The following SOX5 variants were observed in gnomAD, a reference collection of about 807,000 sequenced individuals.
SOX5 encodes transcription factor SOX-5.
Under a neutral mutation model 92.0 loss-of-function variants are expected in SOX5, and 9 were observed. That is an observed-to-expected ratio of 0.10 (90% confidence interval 0.06 to 0.17). SOX5 has a LOEUF of 0.17. Among genes scored for constraint, SOX5 ranks in the 10% least tolerant of loss-of-function variants. SOX5 has a pLI of 1.00. For missense variants in SOX5, 642 were observed against 944.5 expected, an observed-to-expected ratio of 0.68 and a Z score of 4.20; for synonymous variants, 344 against 336.3, an observed-to-expected ratio of 1.02 and a Z score of -0.25.
intron 1 of SOX5, among the ~76,000 whole-genome samples, chr12:24,419,489 G>A (rs1344041566): frequency 1.3e-5 from 2 of 152,112 alleles, no homozygotes; most frequent in African/African-American, 4.8e-5. Context: ...GAGTTCCTGA[G>A]AGATGAAGTC....
chr12:24,331,778 G>A (rs1344420099), intron 2 of SOX5, among the ~76,000 whole-genome samples: 1 of 145,994 alleles, frequency 6.8e-6, no homozygotes, highest in Non-Finnish European at 1.5e-5. Context: ...AGCCCAGGGG[G>A]CAGAGGTTGC....
chr12:24,377,749 A>G (rs1420604226), intron 1 of SOX5, among the ~76,000 whole-genome samples: 1 of 152,190 alleles, frequency 6.6e-6, no homozygotes, highest in Non-Finnish European at 1.5e-5. Flanking sequence ...CCACATCTGT[A>G]AAGTCTGAGA....
chr12:23,664,752 A>T (rs2139408180), intron 7 of SOX5, among the ~76,000 whole-genome samples: 1 of 152,348 alleles, frequency 6.6e-6, no homozygotes, highest in East Asian at 1.9e-4. Context: ...TTATGTATTC[A>T]TTCATTAATT....
chr12:23,887,917 ATGTGTGTGTG>A (rs61356582), intron 2 of SOX5, among the ~76,000 whole-genome samples: 11 of 144,770 alleles, frequency 7.6e-5, no homozygotes, highest in East Asian at 2.0e-4. Flanking sequence ...CAGTGTGTAT[ATGTGTGTGTG>A]TGTGTGTGTG....
At chr12:23,620,788 C>A (rs560352798) in intron 8 of SOX5, among the ~76,000 whole-genome samples, 1 of 152,066 alleles carries the variant, frequency 6.6e-6, no homozygotes, top group East Asian at 1.9e-4. Context: ...CTATTTCTCA[C>A]GTACCAACGA....
intron 4 of SOX5, among the ~76,000 whole-genome samples, chr12:24,155,903 A>G (rs1347460904): frequency 3.3e-5 from 5 of 152,162 alleles, no homozygotes; most frequent in Non-Finnish European, 4.4e-5. Flanking sequence ...AGGAGGTGAC[A>G]GTAGATATAG....
intron 6 of SOX5, among the ~76,000 whole-genome samples, chr12:23,675,551 A>G (rs1258531124): frequency 2.0e-5 from 3 of 152,216 alleles, no homozygotes; most frequent in African/African-American, 4.8e-5. Flanking sequence ...GAGAAAGTCA[A>G]CTGAAAATGG....
chr12:23,880,844 A>G (rs887657582), intron 2 of SOX5, among the ~76,000 whole-genome samples: 2 of 152,232 alleles, frequency 1.3e-5, no homozygotes, highest in South Asian at 4.1e-4. Context: ...GTAGAATAAC[A>G]TAAGATTAAA....
intron 7 of SOX5, among the ~76,000 whole-genome samples, chr12:23,664,816 T>G (rs981803122): frequency 6.6e-6 from 1 of 152,062 alleles, no homozygotes; most frequent in Non-Finnish European, 1.5e-5. Context: ...CAACAATGAG[T>G]ATGACAGAAT....
chr12:23,998,825 A>AAAG (rs1555466998), intron 4 of SOX5, among the ~76,000 whole-genome samples: 16 of 130,000 alleles, frequency 1.2e-4, no homozygotes, highest in African/African-American at 2.1e-4. Flanking sequence ...AAAAAAAAAA[A>AAAG]GGGGGGGCGA....
At chr12:23,584,577 C>T (rs759481934) in intron 9 of SOX5, 1 of 1,611,544 alleles carries the variant, frequency 6.2e-7, no homozygotes, top group Non-Finnish European at 8.5e-7. Context: ...GCACAAATCT[C>T]CAACAGTCTG....
chr12:24,258,458 T>A (rs1941587982), intron 3 of SOX5, among the ~76,000 whole-genome samples: 1 of 152,226 alleles, frequency 6.6e-6, no homozygotes, highest in Non-Finnish European at 1.5e-5. Flanking sequence ...CTAATAAAAC[T>A]AAATTCTGTT....
chr12:23,937,148 T>C (rs1406888786), intron 1 of SOX5, among the ~76,000 whole-genome samples: 1 of 150,994 alleles, frequency 6.6e-6, no homozygotes, highest in Non-Finnish European at 1.5e-5. Context: ...ATTTTCCTAA[T>C]GTTTAAAAAG....
At chr12:23,856,939 C>T (rs891074419) in intron 2 of SOX5, among the ~76,000 whole-genome samples, 1 of 152,078 alleles carries the variant, frequency 6.6e-6, no homozygotes, top group Non-Finnish European at 1.5e-5. Context: ...TGATTATTCA[C>T]ACACACACTA....
At chr12:24,196,641 T>G (rs1322021848) in intron 4 of SOX5, among the ~76,000 whole-genome samples, 1 of 152,174 alleles carries the variant, frequency 6.6e-6, no homozygotes, top group African/African-American at 2.4e-5. Context: ...CGGTGGCTCA[T>G]GCCTATAATC....
At chr12:24,034,178 C>T (rs1569511699) in intron 4 of SOX5, among the ~76,000 whole-genome samples, 1 of 151,996 alleles carries the variant, frequency 6.6e-6, no homozygotes, top group Non-Finnish European at 1.5e-5. Flanking sequence ...TTGAAGAGGA[C>T]AAAGAATTCC....
chr12:23,776,558 T>C (rs2095106874), intron 3 of SOX5, among the ~76,000 whole-genome samples: 1 of 152,108 alleles, frequency 6.6e-6, no homozygotes, highest in Non-Finnish European at 1.5e-5. Flanking sequence ...GTATTTGAGG[T>C]TCCCTTAGAG....
chr12:24,093,776 G>C (rs73072186), intron 4 of SOX5, among the ~76,000 whole-genome samples: 2,117 of 150,448 alleles, frequency 0.014, 22 homozygotes, highest in Middle Eastern at 0.034. Context: ...CCTATAGTAT[G>C]TGCTATTTAA....
At chr12:23,544,886 C>T (rs540310980) in intron 12 of SOX5, among the ~76,000 whole-genome samples, 1 of 152,288 alleles carries the variant, frequency 6.6e-6, no homozygotes, top group South Asian at 2.1e-4. Context: ...GCACATCTGC[C>T]TTTTCTTGTT....
Sources: gnomAD v4.1 joint callset for allele counts (sites outside exome capture counted in the v4.1 genomes callset) on GRCh38, gnomAD v4.1.1 for gene constraint, MANE v1.5 for transcripts, NCBI Gene and HGNC (gene_info 2026-07-23, HGNC 2026-07-21) for gene names.